Variants in PSD3 observed in about 807,000 individuals in gnomAD.
The protein encoded by PSD3 is pleckstrin and Sec7 domain containing 3.
PSD3 carries 49 observed loss-of-function variants against 105.5 expected under a neutral mutation model. The observed-to-expected ratio is 0.46, with a 90% CI of 0.37 to 0.59. The LOEUF is 0.59. Among genes scored for constraint, PSD3 ranks in the 20% least tolerant of loss-of-function variants. The pLI is 0.00. For synonymous variants in PSD3, 557 were observed against 457.8 expected (o/e 1.22, Z -2.77); for missense variants, 1,561 against 1,263.8 (o/e 1.24, Z -3.57).
At chr8:18,642,019 G>C (rs1807683482) in intron 10 of PSD3, among the ~76,000 whole-genome samples, 1 of 152,088 alleles carries the variant, frequency 6.6e-6, no homozygotes, top group Non-Finnish European at 1.5e-5. Flanking sequence ...GTAAAAAAGA[G>C]ACTATGCTTT....
At chr8:18,608,743 G>A (rs758160483) in intron 11 of PSD3, among the ~76,000 whole-genome samples, 2 of 152,018 alleles carry the variant, frequency 1.3e-5, no homozygotes, top group East Asian at 1.9e-4. Context: ...ATTCATTAAC[G>A]AGTAATAATG....
At chr8:18,565,741 A>G (rs1222491320) in intron 14 of PSD3, among the ~76,000 whole-genome samples, 2 of 152,132 alleles carry the variant, frequency 1.3e-5, no homozygotes, top group Non-Finnish European at 1.5e-5. Flanking sequence ...AGTATGGGGA[A>G]AAAAAGATAG....
chr8:18,767,635 T>C (rs1585897948), intron 8 of PSD3, among the ~76,000 whole-genome samples: 1 of 151,996 alleles, frequency 6.6e-6, no homozygotes, highest in East Asian at 1.9e-4. Context: ...TAACTCCAGC[T>C]ACTTGGGAGG....
chr8:18,579,052 A>G (rs976255377), intron 12 of PSD3, among the ~76,000 whole-genome samples: 2 of 151,552 alleles, frequency 1.3e-5, no homozygotes, highest in Non-Finnish European at 2.9e-5. Flanking sequence ...ACCTTAAAAT[A>G]TTTTCAGCAT....
chr8:18,548,746 C>T (rs73209795), intron 15 of PSD3, among the ~76,000 whole-genome samples: 19 of 152,150 alleles, frequency 1.2e-4, no homozygotes, highest in African/African-American at 4.3e-4. Context: ...GCATTGGGAG[C>T]TGGCTTGGGG....
chr8:18,741,664 T>C (rs1804583078), intron 9 of PSD3, among the ~76,000 whole-genome samples: 1 of 152,056 alleles, frequency 6.6e-6, no homozygotes, highest in Non-Finnish European at 1.5e-5. Context: ...TAAAATCCAA[T>C]CCTGTGCTAA....
chr8:18,632,755 A>G lies in PSD3; in HGVS notation c.2268T>C (p.Ala756=), dbSNP rs765349087. The G allele has an allele frequency of 1.2e-6, 2 of 1,606,096 alleles. No homozygotes were observed. Among genetic ancestry groups the G allele is most frequent in the Non-Finnish European group, 1.7e-6 (2 of 1,173,418 alleles). ...KSPSESTEEK[A]NGTHPKTISR... ...TGATGGTCTTTGGATGTGTTCCGTT[A>G]GCTTTCTCCTCAGTACTTTCTGAGG... The change falls in exon 11 of 16, where the codon GCT becomes GCC. Residue 756 remains alanine (A), a synonymous_variant. Coordinates refer to ENST00000327040, the MANE Select transcript of PSD3 (RefSeq NM_015310.4).
intron 9 of PSD3, among the ~76,000 whole-genome samples, chr8:18,694,543 G>A (rs1274167897): frequency 6.6e-6 from 1 of 151,242 alleles, no homozygotes; most frequent in African/African-American, 2.4e-5. Context: ...CCGGGAGGCA[G>A]AGCTTGCAGT....
intron 4 of PSD3, among the ~76,000 whole-genome samples, chr8:18,854,997 C>A (rs1815891391): frequency 6.6e-6 from 1 of 152,198 alleles, no homozygotes; most frequent in Non-Finnish European, 1.5e-5. Flanking sequence ...CCAGGGACAG[C>A]AGGAGTTGAG....
chr8:18,998,056 T>G (rs199627044), intron 1 of PSD3, among the ~76,000 whole-genome samples: 3 of 152,076 alleles, frequency 2.0e-5, no homozygotes, highest in South Asian at 4.2e-4. Context: ...GAACCTAAAA[T>G]AATGCCTGCC....
At chr8:18,713,181 C>T (rs183838676) in intron 9 of PSD3, among the ~76,000 whole-genome samples, 2 of 152,276 alleles carry the variant, frequency 1.3e-5, no homozygotes, top group South Asian at 2.1e-4. Flanking sequence ...CAGTATCATA[C>T]TGAATGGGCA....
rs556319024 is a variant in PSD3, at chr8:18,631,715, T to G, written c.2410+898A>C. 2.6e-5 allele frequency among the ~76,000 whole-genome samples: 4 copies of G among 152,016 alleles called. No homozygotes were observed. In the South Asian group the frequency reaches 8.3e-4, roughly 32 times the overall value. ...ACAGAAGATATGGTGGATGCACTCTTAAAGAACTTGGGAACATTAAGAAAT... is the reference window on the plus strand; with the variant it reads ...ACAGAAGATATGGTGGATGCACTCTGAAAGAACTTGGGAACATTAAGAAAT... On this transcript the variant is annotated intron_variant, in intron 11 of 15. Coordinates refer to ENST00000327040, the MANE Select transcript of PSD3 (RefSeq NM_015310.4).
Position 18,529,878 on chromosome 8 carries a change from A to G in PSD3, c.*5865T>C, listed in dbSNP as rs1479217326. The G allele has an allele frequency of 6.6e-6, 1 of 152,500 alleles. No individual in the cohort carries two copies. The highest frequency in any genetic ancestry group is 2.4e-5 in the African/African-American group (1 of 41,466). 9.4% of individuals were successfully genotyped at this position (152,500 alleles called of 1,614,324 possible). On this transcript the variant is annotated 3_prime_UTR_variant, in exon 16 of 16. Coordinates refer to ENST00000327040, the MANE Select transcript of PSD3 (RefSeq NM_015310.4). Reference sequence around the variant, plus strand: ...TAGAAGGAAATACTCTCGCAAAACTAAGACCCTGCCAATCATTCACAGAGC... The same window carrying G: ...TAGAAGGAAATACTCTCGCAAAACTGAGACCCTGCCAATCATTCACAGAGC...
intron 9 of PSD3, among the ~76,000 whole-genome samples, chr8:18,680,439 T>C (rs1800317143): frequency 6.6e-6 from 1 of 152,232 alleles, no homozygotes; most frequent in Non-Finnish European, 1.5e-5. Flanking sequence ...CAGGAAGGTC[T>C]GCACTGCCCC....
intron 2 of PSD3, among the ~76,000 whole-genome samples, chr8:18,913,701 C>T (rs540491330): frequency 3.8e-4 from 58 of 152,178 alleles, no homozygotes; most frequent in Non-Finnish European, 2.9e-4. Context: ...CCCCAGTGAA[C>T]CCAGGGTCTA....
At chr8:19,000,330 G>A (rs2059655) in intron 1 of PSD3, among the ~76,000 whole-genome samples, 104,761 of 149,734 alleles carry the variant, frequency 0.7, 37,449 homozygotes, top group East Asian at 0.91. Context: ...CCAGGAGTTC[G>A]AGGCTGCAGT....
chr8:19,051,797 C>T (rs1432365904), intron 1 of PSD3, among the ~76,000 whole-genome samples: 1 of 152,148 alleles, frequency 6.6e-6, no homozygotes, highest in Non-Finnish European at 1.5e-5. Context: ...AGTACAAGAG[C>T]TCACACATCT....
intron 9 of PSD3, among the ~76,000 whole-genome samples, chr8:18,657,013 C>T (rs1808948429): frequency 6.6e-6 from 1 of 152,192 alleles, no homozygotes. Context: ...GATGTTGGAA[C>T]ATTTTTCCTC....
Position 18,865,257 on chromosome 8 carries a change from TA to T in PSD3, c.1634+2416del, listed in dbSNP as rs1668935321. 11 of 4,510 alleles carry T rather than the reference TA, an allele frequency of 2.4e-3. 2 individuals carry two copies. The highest frequency in any genetic ancestry group is 0.014 in the East Asian group (3 of 210). The allele number at this position is 4,510 out of a possible 1,614,324, so 0.3% of individuals were successfully genotyped here. ...ATATATATATATATATATATATATA[TA>T]TATATATATATATATATATATATAT... is the stretch of plus-strand genomic sequence containing the variant. On this transcript the variant is annotated intron_variant, in intron 4 of 15. Coordinates refer to ENST00000327040, the MANE Select transcript of PSD3 (RefSeq NM_015310.4).
Sources: gnomAD v4.1 joint callset for allele counts (sites outside exome capture counted in the v4.1 genomes callset) on GRCh38, gnomAD v4.1.1 for gene constraint, MANE v1.5 for transcripts, NCBI Gene and HGNC (gene_info 2026-07-23, HGNC 2026-07-21) for gene names.